Variants in ESYT3 observed in about 807,000 individuals in gnomAD.
ESYT3 encodes the protein extended synaptotagmin 3, also known as extended synaptotagmin-3.
In ESYT3, 101 loss-of-function variants were observed where a neutral mutation model predicts 111.5. The ratio of observed to expected loss-of-function variants is 0.91; its 90% CI spans 0.77 to 1.07. The LOEUF is 1.07. Among genes scored for constraint, ESYT3 ranks in the 50% least tolerant of loss-of-function variants. ESYT3 has a pLI of 0.00. For missense variants in ESYT3, 1,097 were observed against 1,109.4 expected, an observed-to-expected ratio of 0.99 and a Z score of 0.16; for synonymous variants, 416 against 446.8, an observed-to-expected ratio of 0.93 and a Z score of 0.87.
At position 138,472,443 on chromosome 3, in the gene ESYT3, G is replaced by T. The variant is rs2108629037; in HGVS notation, c.1821G>T (p.Lys607Asn). Residue 607 changes from lysine (K) to asparagine (N), a missense_variant, in exon 18 of 23, where the codon AAG (lysine) becomes AAT (asparagine). Physicochemically the swap from Lys to Asn is moderately conservative, Grantham distance 94 (BLOSUM62 0). Transcript: ENST00000389567. The stretch of plus-strand genomic sequence containing the variant: ...TAAAGAAAGGCCCTCTGCTCATCAA[G>T]AAAGTGGCTACCAACCAGGGTCCCA... ...EALKKGPLLIKKVATNQGPKA... is the reference protein window; with the variant it reads ...EALKKGPLLINKVATNQGPKA... 6.2e-7 allele frequency: 1 copy of T among 1,614,202 alleles called. No homozygotes were observed. Among genetic ancestry groups the T allele is most frequent in the Non-Finnish European group, 8.5e-7 (1 of 1,180,050 alleles).
intron 10 of ESYT3, among the ~76,000 whole-genome samples, chr3:138,467,206 A>C (rs1244910671): frequency 1.3e-5 from 2 of 152,142 alleles, no homozygotes; most frequent in African/African-American, 4.8e-5. Context: ...AGGAGGCCAA[A>C]TTTCTGCAAT....
chr3:138,466,945 GGCACCAA>G (rs1288508316), intron 10 of ESYT3, among the ~76,000 whole-genome samples: 1 of 152,014 alleles, frequency 6.6e-6, no homozygotes, highest in Non-Finnish European at 1.5e-5. Context: ...CTGTGGGGAG[GGCACCAA>G]GCCATTCATG....
At chr3:138,459,080 C>A in intron 4 of ESYT3, 107 bp from the exon 5 acceptor site, 2 of 844,928 alleles carry the variant, frequency 2.4e-6, no homozygotes, top group Non-Finnish European at 3.6e-6. Flanking sequence ...GGGTCGGCAA[C>A]TGGCTGCCTG....
intron 10 of ESYT3, among the ~76,000 whole-genome samples, chr3:138,465,757 T>TC (rs919351724): frequency 1.4e-4 from 22 of 152,182 alleles, no homozygotes; most frequent in African/African-American, 5.3e-4. Context: ...AGATGCTCAG[T>TC]CCCAAGGAAC....
chr3:138,463,335 TCCAC>T (rs912653855), intron 8 of ESYT3, among the ~76,000 whole-genome samples: 1 of 152,154 alleles, frequency 6.6e-6, no homozygotes, highest in African/African-American at 2.4e-5. Flanking sequence ...CCTCAGGTGA[TCCAC>T]CCACTTTGGC....
chr3:138,455,058 A>C, intron 2 of ESYT3, 136 bp from the exon 3 acceptor site: 1 of 922,380 alleles, frequency 1.1e-6, no homozygotes, highest in Middle Eastern at 2.5e-4. Context: ...TGGGCAGGCA[A>C]GCAGGTGAGT....
rs1349839586 is a variant in ESYT3 at position 138,472,638 on chromosome 3, CA to C, written c.2020del (p.Arg674GlyfsTer17). ...CAGAGCCTAAAGGCAAGGACAGTGC[CA>C]AAAGGTTCTGTGAGCCCATCGGGGA... ...GPEPKGKDSA[K>X]RFCEPIGEKK... On this transcript the variant is annotated frameshift_variant, in exon 18 of 23. Coordinates refer to ENST00000389567, the MANE Select transcript of ESYT3 (RefSeq NM_031913.5). LOFTEE classifies it high-confidence loss of function. The C allele has an allele frequency of 1.9e-6, 3 of 1,614,112 alleles. No individual in the cohort carries two copies. Among genetic ancestry groups the C allele is most frequent in the Non-Finnish European group, 2.5e-6 (3 of 1,180,048 alleles).
intron 17 of ESYT3, 107 bp from the exon 18 acceptor site, chr3:138,472,256 A>G (rs2033255917): frequency 4.9e-6 from 7 of 1,416,132 alleles, no homozygotes; most frequent in Middle Eastern, 2.2e-4. Flanking sequence ...TTCCCTAGGA[A>G]GGGTCTTTAT....
chr3:138,474,076 C>A, intron 19 of ESYT3, 145 bp from the exon 20 acceptor site: 1 of 1,044,956 alleles, frequency 9.6e-7, no homozygotes. Flanking sequence ...TATCCTTAAG[C>A]GTATCTAATG....
downstream of ESYT3, chr3:138,480,449 T>C (rs1247192496): frequency 2.0e-5 from 3 of 152,320 alleles, no homozygotes; most frequent in East Asian, 5.8e-4. Flanking sequence ...AAAACTTCTA[T>C]GTGCAGATGA....
At chr3:138,468,327 C>CTGTGTGGAGACGGGCTGA in intron 12 of ESYT3, 133 bp downstream of exon 12, 1 of 803,058 alleles carries the variant, frequency 1.2e-6, no homozygotes, top group Non-Finnish European at 2.1e-6. Flanking sequence ...TCACTCAGCC[C>CTGTGTGGAGACGGGCTGA]GTCTCCACAC....
rs1221371943 is a variant in ESYT3, at chr3:138,434,897, C to T, written c.99C>T (p.Pro33=). 2 of 1,551,086 alleles carry T rather than the reference C, an allele frequency of 1.3e-6. No individual in the cohort carries two copies. Among genetic ancestry groups the T allele is most frequent in the African/African-American group, 1.4e-5 (1 of 73,142 alleles). The change falls in exon 1 of 23, where the codon CCC becomes CCT. Residue 33 remains proline, a synonymous_variant. Coordinates refer to ENST00000389567, the MANE Select transcript of ESYT3 (RefSeq NM_031913.5). ...PELRLSSQLL[P]ELCTFVVRVL... ...TGCGCCTGTCCAGCCAGCTGCTGCCCGAGCTCTGTACCTTCGTGGTGCGCG... is the reference window on the plus strand; with the variant it reads ...TGCGCCTGTCCAGCCAGCTGCTGCCTGAGCTCTGTACCTTCGTGGTGCGCG...
rs202229185 is a variant in ESYT3 at position 138,440,139 on chromosome 3, A to AC, written c.327+5018dup. ...TCTCTGGTGACACATACCCCACAGG[A>AC]CCCCACTCGCTGCCTTTCATGCCTG... is the stretch of plus-strand genomic sequence containing the variant. On this transcript the variant is annotated intron_variant, in intron 1 of 22. Coordinates refer to ENST00000389567, the MANE Select transcript of ESYT3 (RefSeq NM_031913.5). This position sits in a 1 kb window ranked among gnomAD's most constrained non-coding sequence, Gnocchi z 4.2. Among the ~76,000 whole-genome samples, 2,286 of 152,208 alleles carry AC rather than the reference A, an allele frequency of 0.015. 27 individuals are homozygous for AC. Among genetic ancestry groups the AC allele is most frequent in the Middle Eastern group, 0.031 (9 of 294 alleles).
chr3:138,450,620 C>T (rs971972931), intron 1 of ESYT3, among the ~76,000 whole-genome samples: 29 of 152,222 alleles, frequency 1.9e-4, no homozygotes, highest in Non-Finnish European at 3.7e-4. Context: ...CCAAGAGTCT[C>T]AGAAGCACTG....
At chr3:138,469,553 C>A in intron 15 of ESYT3, 49 bp downstream of exon 15, 2 of 1,536,560 alleles carry the variant, frequency 1.3e-6, no homozygotes, top group Non-Finnish European at 1.8e-6. Flanking sequence ...AAGGACCCAG[C>A]CCTTCTCAGG....
Position 138,462,216 on chromosome 3 carries a change from C to A in ESYT3, c.915+10C>A, listed in dbSNP as rs374301806. On this transcript the variant is annotated intron_variant, in intron 8 of 22. Coordinates refer to ENST00000389567, the MANE Select transcript of ESYT3 (RefSeq NM_031913.5). ...CTTCCCTCTGCCCTGTGTGAGTACC[C>A]AGTACTAGCCACAGACCAGCCTGCT... The A allele has an allele frequency of 4.3e-5, 70 of 1,614,008 alleles. No individual in the cohort carries two copies. Among genetic ancestry groups the A allele is most frequent in the Non-Finnish European group, 5.8e-5 (69 of 1,180,028 alleles).
In ESYT3 at chr3:138,434,693, C is replaced by G. The variant is rs1380707019; in HGVS notation, c.-106C>G. On this transcript the variant is annotated 5_prime_UTR_variant, in exon 1 of 23. Coordinates refer to ENST00000389567, the MANE Select transcript of ESYT3 (RefSeq NM_031913.5). ...AGAGTCCCAGCAGGGCAAGGGGGCG[C>G]GGCGTCCTGGTCCTCGAGCTTGGGA... The G allele has an allele frequency of 2.9e-6, 3 of 1,042,768 alleles. No individual in the cohort carries two copies. The highest frequency in any genetic ancestry group is 4.0e-6 in the Non-Finnish European group (3 of 748,186). The allele number at this position is 1,042,768 out of a possible 1,614,324, so 64.6% of individuals were successfully genotyped here.
In ESYT3 at chr3:138,440,224, GGT is replaced by G. The variant is rs1485851156; in HGVS notation, c.327+5101_327+5102del. 6.6e-6 allele frequency among the ~76,000 whole-genome samples: 1 copy of G among 152,188 alleles called. No homozygotes were observed. The highest frequency in any genetic ancestry group is 2.4e-5 in the African/African-American group (1 of 41,444). ...GCAGAAGCAAGCACCAGGGGAAAAA[GGT>G]GAGCCGTTCACACAAAGCGATGGGC... On this transcript the variant is annotated intron_variant, in intron 1 of 22. Coordinates refer to ENST00000389567, the MANE Select transcript of ESYT3 (RefSeq NM_031913.5). The surrounding 1 kb of genome is among the most constrained non-coding windows in gnomAD (Gnocchi z 4.2).
rs1219446892 is a variant in ESYT3, at chr3:138,478,760, G to C, written c.*1906G>C. The C allele has an allele frequency of 6.6e-6, 1 of 152,172 alleles. No individual in the cohort carries two copies. The highest frequency in any genetic ancestry group is 1.5e-5 in the Non-Finnish European group (1 of 68,036). The allele number at this position is 152,172 out of a possible 1,614,324, so 9.4% of individuals were successfully genotyped here. ...CAAGGTTATATAGGCGCTGTGTGAG[G>C]GGCAGGGAGCCTGAAAAGTTGTTAA... On this transcript the variant is annotated 3_prime_UTR_variant, in exon 23 of 23. Transcript: ENST00000389567.
Sources: gnomAD v4.1 joint callset for allele counts (sites outside exome capture counted in the v4.1 genomes callset) on GRCh38, gnomAD v4.1.1 for gene constraint, Gnocchi (gnomAD v3.1) non-coding constraint, MANE v1.5 for transcripts, NCBI Gene and HGNC (gene_info 2026-07-23, HGNC 2026-07-21) for gene names.